Variants in ASXL3 observed in about 807,000 individuals in gnomAD.
ASXL3 encodes ASXL transcriptional regulator 3.
In ASXL3, 34 loss-of-function variants were observed where a neutral mutation model predicts 170.6. That is an observed-to-expected ratio of 0.20 (90% CI 0.15 to 0.27). The LOEUF is 0.27. ASXL3 is among the 10% of genes least tolerant of loss of function. ASXL3 has a pLI of 1.00. For synonymous variants in ASXL3, 1,002 were observed against 989.1 expected, an observed-to-expected ratio of 1.01 and a Z score of -0.24; for missense variants, 2,592 against 2,695.3, an observed-to-expected ratio of 0.96 and a Z score of 0.85.
intron 1 of ASXL3, among the ~76,000 whole-genome samples, chr18:33,594,370 T>C (rs2065106105): frequency 6.6e-6 from 1 of 152,146 alleles, no homozygotes; most frequent in African/African-American, 2.4e-5. Context: ...AATGTGATAT[T>C]ACAGTATAAT....
rs1290978397 is a variant in ASXL3 at position 33,744,030 on chromosome 18, C to A, written c.4182C>A (p.Ala1394=). 1 of 1,613,890 alleles carries A rather than the reference C, an allele frequency of 6.2e-7. No homozygotes were observed. Among genetic ancestry groups the A allele is most frequent in the African/African-American group, 1.3e-5 (1 of 74,934 alleles). The change falls in exon 12 of 12, where the codon GCC becomes GCA. Residue 1394 remains alanine, a synonymous_variant. Coordinates refer to ENST00000269197, the MANE Select transcript of ASXL3 (RefSeq NM_030632.3). The part of the protein sequence containing the change: ...TVSMGTTVRA[A]LSCSDSVAVT... ...CCATGGGTACCACTGTGAGAGCAGC[C>A]CTCAGCTGCAGTGATTCTGTAGCGG...
At chr18:33,680,547 A>C (rs1167224317) in intron 7 of ASXL3, among the ~76,000 whole-genome samples, 3 of 152,066 alleles carry the variant, frequency 2.0e-5, no homozygotes, top group Non-Finnish European at 4.4e-5. Flanking sequence ...AGGTTTTGGT[A>C]ATGTATGTTA....
At chr18:33,719,375 T>A (rs150433847) in intron 8 of ASXL3, among the ~76,000 whole-genome samples, 3 of 152,148 alleles carry the variant, frequency 2.0e-5, no homozygotes, top group African/African-American at 7.2e-5. Flanking sequence ...TTCTGTTTTC[T>A]TCAGAGGCCT....
At chr18:33,601,082 T>C (rs1212058720) in intron 1 of ASXL3, among the ~76,000 whole-genome samples, 1 of 152,104 alleles carries the variant, frequency 6.6e-6, no homozygotes, top group Non-Finnish European at 1.5e-5. Context: ...CTGTGCCTCA[T>C]TGGTGGAATA....
At chr18:33,581,352 A>T (rs1454119010) in intron 1 of ASXL3, among the ~76,000 whole-genome samples, 3 of 152,172 alleles carry the variant, frequency 2.0e-5, no homozygotes, top group African/African-American at 7.2e-5. Flanking sequence ...GATAGAAAAT[A>T]TATAACTCAA....
intron 4 of ASXL3, among the ~76,000 whole-genome samples, chr18:33,654,017 C>T (rs2066043632): frequency 6.6e-6 from 1 of 152,002 alleles, no homozygotes; most frequent in Non-Finnish European, 1.5e-5. Context: ...CATATTTCCT[C>T]TTGAACTGTG....
chr18:33,584,085 T>A (rs1427049509), intron 1 of ASXL3, among the ~76,000 whole-genome samples: 6 of 152,172 alleles, frequency 3.9e-5, no homozygotes, highest in African/African-American at 1.2e-4. Flanking sequence ...ATGTGGTGAT[T>A]GTGGAATGCT....
chr18:33,709,924 T>C (rs1036241789), intron 8 of ASXL3, among the ~76,000 whole-genome samples: 2 of 152,158 alleles, frequency 1.3e-5, no homozygotes, highest in Non-Finnish European at 2.9e-5. Context: ...CCATGACCCC[T>C]AGCTCCTTGT....
rs1555717840 is a variant in ASXL3, at chr18:33,601,785, G to GTATATATA, written c.55-5806_55-5799dup. Among the ~76,000 whole-genome samples the GTATATATA allele has an allele frequency of 1.1e-4, 11 of 103,866 alleles. 1 individual carries two copies. Among genetic ancestry groups the GTATATATA allele is most frequent in the East Asian group, 8.7e-4 (4 of 4,618 alleles). 68.1% of individuals were successfully genotyped at this position (103,866 alleles called of 152,430 possible). A position where few individuals can be genotyped will look rare whatever the true frequency, so the allele number is the denominator to read the frequency against. ...TGAGAATTTAAGTAAATATCTGATTGTATATATATAGTTTGTTTGTTTTGA... is the reference window on the plus strand; with the variant it reads ...TGAGAATTTAAGTAAATATCTGATTGTATATATATATATATATAGTTTGTTTGTTTTGA... On this transcript the variant is annotated intron_variant, in intron 1 of 11. Coordinates refer to ENST00000269197, the MANE Select transcript of ASXL3 (RefSeq NM_030632.3).
chr18:33,697,970 T>C (rs1255412555), intron 8 of ASXL3, among the ~76,000 whole-genome samples: 1 of 152,106 alleles, frequency 6.6e-6, no homozygotes, highest in Admixed American at 6.6e-5. Flanking sequence ...TCAGCTTCAG[T>C]GTATTGCTAG....
chr18:33,721,974 TTATTA>T (rs1467515288), intron 8 of ASXL3, among the ~76,000 whole-genome samples: 9 of 152,028 alleles, frequency 5.9e-5, no homozygotes, highest in African/African-American at 2.2e-4. Context: ...TGATAATGTA[TTATTA>T]TATATGGTGA....
At chr18:33,641,987 A>G (rs896654993) in intron 2 of ASXL3, among the ~76,000 whole-genome samples, 1 of 152,066 alleles carries the variant, frequency 6.6e-6, no homozygotes, top group Non-Finnish European at 1.5e-5. Flanking sequence ...TAAATTAAAA[A>G]TAAGAACCAT....
intron 8 of ASXL3, among the ~76,000 whole-genome samples, chr18:33,717,628 C>T (rs994967053): frequency 7.9e-5 from 12 of 152,070 alleles, no homozygotes; most frequent in African/African-American, 2.9e-4. Flanking sequence ...TCTCTTTCCA[C>T]TGTGACTTGT....
Position 33,694,475 on chromosome 18 carries a change from G to C in ASXL3, c.879+10907G>C, listed in dbSNP as rs189788665. On this transcript the variant is annotated intron_variant, in intron 8 of 11. Transcript: ENST00000269197. ...TGATGAGTAGGTTGTTGTCATTTCT[G>C]TCATCGATATCATTTTTACTTGATG... is the stretch of plus-strand genomic sequence containing the variant. 7.9e-5 allele frequency among the ~76,000 whole-genome samples: 12 copies of C among 152,116 alleles called. No homozygotes were observed. The East Asian group carries it at 2.3e-3, about 29-fold the overall frequency.
chr18:33,638,379 TAA>T (rs2065801779), intron 2 of ASXL3, among the ~76,000 whole-genome samples: 1 of 152,056 alleles, frequency 6.6e-6, no homozygotes, highest in South Asian at 2.1e-4. Context: ...ATATTTTCTT[TAA>T]GTTTCTTCTT....
chr18:33,677,867 A>G (rs1337722365), intron 7 of ASXL3, among the ~76,000 whole-genome samples: 1 of 151,958 alleles, frequency 6.6e-6, no homozygotes, highest in Non-Finnish European at 1.5e-5. Context: ...TTGAAAGCCG[A>G]TTTTTCTTCT....
chr18:33,630,974 A>AC (rs1478046266), intron 2 of ASXL3, among the ~76,000 whole-genome samples: 1 of 151,990 alleles, frequency 6.6e-6, no homozygotes, highest in Non-Finnish European at 1.5e-5. Flanking sequence ...CCAATAGAAA[A>AC]AAATTAGAAA....
At chr18:33,616,192 T>A (rs374614416) in intron 2 of ASXL3, among the ~76,000 whole-genome samples, 2 of 152,138 alleles carry the variant, frequency 1.3e-5, no homozygotes, top group African/African-American at 4.8e-5. Context: ...ATGTGAAATG[T>A]TACCCAGCAA....
intron 8 of ASXL3, among the ~76,000 whole-genome samples, chr18:33,692,284 T>C (rs1341554454): frequency 6.6e-6 from 1 of 152,176 alleles, no homozygotes; most frequent in Non-Finnish European, 1.5e-5. Context: ...CGTATAATTA[T>C]GTTTTTTTAA....
Sources: allele counts gnomAD v4.1 joint callset (sites outside exome capture counted in the v4.1 genomes callset), GRCh38; gene constraint gnomAD v4.1.1; transcripts MANE v1.5; gene names NCBI Gene and HGNC (gene_info 2026-07-23, HGNC 2026-07-21).